CACNA2D4: variants seen among roughly 807,000 people sequenced by gnomAD.
The protein encoded by CACNA2D4 is calcium voltage-gated channel auxiliary subunit alpha2delta 4.
A neutral mutation model predicts 163.8 loss-of-function variants in CACNA2D4; 157 were observed. The ratio of observed to expected loss-of-function variants is 0.96; its 90% confidence interval spans 0.84 to 1.09. The LOEUF (loss-of-function observed/expected upper bound fraction) is 1.09. CACNA2D4 is among the 50% of genes least tolerant of loss of function. The pLI is 0.00. For missense variants in CACNA2D4, 1,410 were observed against 1,479.9 expected (o/e 0.95, Z 0.78); for synonymous variants, 598 against 586.9 (o/e 1.02, Z -0.27).
At position 1,834,563 on chromosome 12, in the gene CACNA2D4, G is replaced by A. The variant is rs140567368; in HGVS notation, c.2551+6176C>T. On this transcript the variant is annotated intron_variant, in intron 26 of 37. Coordinates refer to ENST00000382722, the MANE Select transcript of CACNA2D4 (RefSeq NM_172364.5). The surrounding 1 kb of genome is among the most constrained non-coding windows in gnomAD (Gnocchi z 7.6). Reference sequence around the variant, plus strand: ...GGTGATCATTGCAGGGGTCGTGTGCGGCGTCGTCTGCATCATGATGGTGGT... The same window carrying A: ...GGTGATCATTGCAGGGGTCGTGTGCAGCGTCGTCTGCATCATGATGGTGGT... The A allele has an allele frequency of 1.2e-5, 19 of 1,601,956 alleles. No individual in the cohort carries two copies. The highest frequency in any genetic ancestry group is 6.7e-5 in the Admixed American group (4 of 60,018).
rs1174031099 is a variant in CACNA2D4 at position 1,798,035 on chromosome 12, G to A, written c.2996-500C>T. Reference sequence around the variant, plus strand: ...CACACTCCACCCATTGAGCCTGAGCGCCTGCGGTGGGGGCAGCCGGGCAGG... The same window carrying A: ...CACACTCCACCCATTGAGCCTGAGCACCTGCGGTGGGGGCAGCCGGGCAGG... On this transcript the variant is annotated intron_variant, in intron 34 of 37. Coordinates refer to ENST00000382722, the MANE Select transcript of CACNA2D4 (RefSeq NM_172364.5). The surrounding 1 kb of genome is among the most constrained non-coding windows in gnomAD (Gnocchi z 4.3). Among the ~76,000 whole-genome samples the A allele has an allele frequency of 6.6e-6, 1 of 152,188 alleles. No homozygotes were observed. Among genetic ancestry groups the A allele is most frequent in the Non-Finnish European group, 1.5e-5 (1 of 68,028 alleles).
intron 26 of CACNA2D4, among the ~76,000 whole-genome samples, chr12:1,816,786 GCA>G (rs1379276039): frequency 6.6e-6 from 1 of 152,054 alleles, no homozygotes; most frequent in East Asian, 1.9e-4. Flanking sequence ...ACACATATAT[GCA>G]CACACGGACA....
At chr12:1,797,679 G>C (rs998847117) in intron 34 of CACNA2D4, 144 bp from the exon 35 acceptor site, 6 of 701,936 alleles carry the variant, frequency 8.5e-6, no homozygotes, top group Non-Finnish European at 1.5e-5. Flanking sequence ...CGCGTGGGAG[G>C]AGCCGGGCGG....
intron 29 of CACNA2D4, 35 bp from the exon 30 acceptor site, chr12:1,801,679 A>C: frequency 6.9e-7 from 1 of 1,447,276 alleles, no homozygotes; most frequent in Non-Finnish European, 9.5e-7. Flanking sequence ...AGAGGGAGGG[A>C]GAGAGATGGA....
At chr12:1,822,488 C>T (rs1864145608) in intron 26 of CACNA2D4, among the ~76,000 whole-genome samples, 1 of 146,514 alleles carries the variant, frequency 6.8e-6, no homozygotes, top group South Asian at 2.1e-4. Flanking sequence ...CACCCTGAGC[C>T]CGGCCCCAGG....
chr12:1,814,026 T>C (rs1378505125), intron 26 of CACNA2D4, among the ~76,000 whole-genome samples: 4 of 152,178 alleles, frequency 2.6e-5, no homozygotes, highest in African/African-American at 9.7e-5. Context: ...AAAGGCTAAA[T>C]GAAAGAGGAT....
At chr12:1,826,782 C>T (rs1050301272) in intron 26 of CACNA2D4, among the ~76,000 whole-genome samples, 43 of 152,290 alleles carry the variant, frequency 2.8e-4, no homozygotes, top group African/African-American at 8.7e-4. Flanking sequence ...AGGGAGGGGC[C>T]GAGGGGACCA....
chr12:1,888,151 G>A (rs1329182765), intron 6 of CACNA2D4, among the ~76,000 whole-genome samples: 1 of 152,190 alleles, frequency 6.6e-6, no homozygotes, highest in African/African-American at 2.4e-5. Flanking sequence ...GTCATGGGAG[G>A]TAGGGCTTTC....
At chr12:1,909,998 G>A in intron 3 of CACNA2D4, 33 bp from the exon 4 acceptor site, 1 of 1,594,212 alleles carries the variant, frequency 6.3e-7, no homozygotes, top group East Asian at 2.2e-5. Flanking sequence ...TAGGGAGAAT[G>A]GGTAAAAGGA....
rs534217103 is a variant in CACNA2D4, at chr12:1,794,127, C to G, written c.3310-368G>C. ...CTGGGTCTGGGTTCTGGATCCGTAC[C>G]AGCCACTATGACTATTATCCACGTG... On this transcript the variant is annotated intron_variant, in intron 37 of 37. Coordinates refer to ENST00000382722, the MANE Select transcript of CACNA2D4 (RefSeq NM_172364.5). Among the ~76,000 whole-genome samples the G allele has an allele frequency of 1.3e-4, 20 of 152,296 alleles. No individual in the cohort carries two copies. The South Asian group carries it at 4.1e-3, about 32-fold the overall frequency.
intron 31 of CACNA2D4, 60 bp from the exon 32 acceptor site, chr12:1,800,498 C>CA (rs142856742): frequency 0.014 from 21,297 of 1,537,862 alleles, 570 homozygotes; most frequent in East Asian, 0.064. Flanking sequence ...GTGCCCCCCC[C>CA]CCACCACCAG....
In CACNA2D4 at chr12:1,883,885, G is replaced by A. The variant is rs763610983; in HGVS notation, c.1351+358C>T. ...AAATGGGGCCAGGTGCATAGTGGATGCTCAGTGAATTTTTGTTGAATCAAT... is the reference window on the plus strand; with the variant it reads ...AAATGGGGCCAGGTGCATAGTGGATACTCAGTGAATTTTTGTTGAATCAAT... On this transcript the variant is annotated intron_variant, in intron 12 of 37. Transcript: ENST00000382722. This position sits in a 1 kb window ranked among gnomAD's most constrained non-coding sequence, Gnocchi z 4.5. 3.5e-5 allele frequency: 9 copies of A among 257,482 alleles called. No individual in the cohort carries two copies. The highest frequency in any genetic ancestry group is 6.0e-5 in the Non-Finnish European group (8 of 133,992). 15.9% of individuals were successfully genotyped at this position (257,482 alleles called of 1,614,324 possible). A position where few individuals can be genotyped will look rare whatever the true frequency, so the allele number is the denominator to read the frequency against.
At position 1,869,381 on chromosome 12, in the gene CACNA2D4, C is replaced by T. The variant is rs1245860445; in HGVS notation, c.1878+5223G>A. Among the ~76,000 whole-genome samples, 1 of 152,252 alleles carries T rather than the reference C, an allele frequency of 6.6e-6. No homozygotes were observed. The highest frequency in any genetic ancestry group is 1.5e-5 in the Non-Finnish European group (1 of 68,044). ...CATGGGCCGAAGCCAGATTCAAAGC[C>T]ACCCGCTGCTGCTGGCTCTCCTCCT... On this transcript the variant is annotated intron_variant, in intron 18 of 37. Transcript: ENST00000382722. The surrounding 1 kb of genome is among the most constrained non-coding windows in gnomAD (Gnocchi z 4.7).
At position 1,856,083 on chromosome 12, in the gene CACNA2D4, G is replaced by C; in HGVS notation, c.2081C>G (p.Pro694Arg). ...TAGCTGGCTGAGCTTCCGGTGGTCT[G>C]GGTCAATATCTGTGATGCAGTAGAT... The part of the protein sequence containing the change: ...DWIYCITDID[P>R]DHRKLSQLEA... Residue 694 changes from proline to arginine, a missense_variant, in exon 22 of 38, where the codon CCA (proline) becomes CGA (arginine). By Grantham distance (103) the Pro-to-Arg change is moderately radical. Coordinates refer to ENST00000382722, the MANE Select transcript of CACNA2D4 (RefSeq NM_172364.5). 3 of 1,613,966 alleles carry C rather than the reference G, an allele frequency of 1.9e-6. No homozygotes were observed. The highest frequency in any genetic ancestry group is 2.5e-6 in the Non-Finnish European group (3 of 1,179,870).
chr12:1,864,802 T>C (rs959240767), intron 18 of CACNA2D4, among the ~76,000 whole-genome samples: 2 of 152,230 alleles, frequency 1.3e-5, no homozygotes, highest in Admixed American at 6.5e-5. Flanking sequence ...GCTCCGGCTG[T>C]AGAATTGCCG....
rs1325424609 is a variant in CACNA2D4, at chr12:1,878,043, C to T, written c.1719+272G>A. The stretch of plus-strand genomic sequence containing the variant: ...GACTCCAAGCAGATGTGAATAATGG[C>T]CCTGCGGGCTCTTTAGCCTCAAAAC... On this transcript the variant is annotated intron_variant, in intron 16 of 37. Coordinates refer to ENST00000382722, the MANE Select transcript of CACNA2D4 (RefSeq NM_172364.5). This position sits in a 1 kb window ranked among gnomAD's most constrained non-coding sequence, Gnocchi z 4.6. 6.6e-6 allele frequency among the ~76,000 whole-genome samples: 1 copy of T among 152,200 alleles called. No homozygotes were observed. Among genetic ancestry groups the T allele is most frequent in the Non-Finnish European group, 1.5e-5 (1 of 68,042 alleles).
Position 1,869,286 on chromosome 12 carries a change from C to T in CACNA2D4, c.1878+5318G>A, listed in dbSNP as rs1238712425. ...CAGAAGTGCAGCAGTAGCCGTTTTG[C>T]ACACTGAAGTCCGCACAGAATACCA... On this transcript the variant is annotated intron_variant, in intron 18 of 37. Coordinates refer to ENST00000382722, the MANE Select transcript of CACNA2D4 (RefSeq NM_172364.5). This position sits in a 1 kb window ranked among gnomAD's most constrained non-coding sequence, Gnocchi z 4.7. Among the ~76,000 whole-genome samples, 1 of 152,208 alleles carries T rather than the reference C, an allele frequency of 6.6e-6. No homozygotes were observed. The highest frequency in any genetic ancestry group is 1.5e-5 in the Non-Finnish European group (1 of 68,034).
chr12:1,825,749 G>A (rs187676071), intron 26 of CACNA2D4, among the ~76,000 whole-genome samples: 13 of 152,336 alleles, frequency 8.5e-5, no homozygotes, highest in South Asian at 4.1e-4. Context: ...CTGTGCACAC[G>A]TAAGTATCTC....
intron 6 of CACNA2D4, among the ~76,000 whole-genome samples, chr12:1,905,683 T>G (rs978458855): frequency 4.9e-4 from 75 of 152,250 alleles, no homozygotes; most frequent in African/African-American, 1.7e-3. Flanking sequence ...TATGAAACAC[T>G]GCTGAAAGAA....
Sources: allele counts gnomAD v4.1 joint callset (sites outside exome capture counted in the v4.1 genomes callset), GRCh38; gene constraint gnomAD v4.1.1; non-coding constraint Gnocchi (gnomAD v3.1); transcripts MANE v1.5; gene names NCBI Gene and HGNC (gene_info 2026-07-23, HGNC 2026-07-21).